The following ZSWIM6 variants were observed in gnomAD, a reference collection of about 807,000 sequenced individuals.
ZSWIM6 encodes zinc finger SWIM-type containing 6.
ZSWIM6 carries 9 observed loss-of-function variants against 113.2 expected under a neutral mutation model. The ratio of observed to expected loss-of-function variants is 0.08; its 90% CI spans 0.05 to 0.14. The LOEUF is 0.14. Among genes scored for constraint, ZSWIM6 ranks in the 10% least tolerant of loss-of-function variants. The pLI, the probability that ZSWIM6 is intolerant of heterozygous loss-of-function variation, is 1.00. For missense variants in ZSWIM6, 1,162 were observed against 1,552.2 expected (o/e 0.75, Z 4.22); for synonymous variants, 611 against 606.5 (o/e 1.01, Z -0.11).
At chr5:61,507,910 A>G (rs542644549) in intron 4 of ZSWIM6, among the ~76,000 whole-genome samples, 6 of 152,102 alleles carry the variant, frequency 3.9e-5, no homozygotes, top group Non-Finnish European at 2.9e-5. Flanking sequence ...ATAACTATAC[A>G]TACAAATTCC....
intron 4 of ZSWIM6, among the ~76,000 whole-genome samples, chr5:61,509,989 G>A (rs1356886000): frequency 6.6e-6 from 1 of 151,848 alleles, no homozygotes; most frequent in Non-Finnish European, 1.5e-5. Context: ...ACCTTTTGAA[G>A]CTGTGTGAAT....
chr5:61,514,871 A>G (rs1301880376), intron 4 of ZSWIM6, among the ~76,000 whole-genome samples: 2 of 152,088 alleles, frequency 1.3e-5, no homozygotes, highest in East Asian at 3.9e-4. Context: ...GTATCAGGGT[A>G]ATAATGCTGG....
chr5:61,354,764 G>A (rs1374546575), intron 1 of ZSWIM6, among the ~76,000 whole-genome samples: 1 of 152,106 alleles, frequency 6.6e-6, no homozygotes, highest in Non-Finnish European at 1.5e-5. Flanking sequence ...CCTGGATTTT[G>A]AATATTAAGG....
At chr5:61,533,537 G>A (rs910413854) in intron 9 of ZSWIM6, among the ~76,000 whole-genome samples, 3 of 152,124 alleles carry the variant, frequency 2.0e-5, no homozygotes, top group Admixed American at 1.3e-4. Flanking sequence ...TAGAGTCCAG[G>A]AATTACACTA....
intron 1 of ZSWIM6, among the ~76,000 whole-genome samples, chr5:61,396,317 A>G (rs888565564): frequency 3.9e-5 from 6 of 152,068 alleles, no homozygotes; most frequent in African/African-American, 1.4e-4. Context: ...GCGGATCACA[A>G]GGTCAAGAGA....
intron 7 of ZSWIM6, 109 bp from the exon 8 acceptor site, chr5:61,529,943 C>G (rs1415096853): frequency 1.0e-6 from 1 of 952,806 alleles, no homozygotes; most frequent in African/African-American, 1.6e-5. Flanking sequence ...GAATTCAGAA[C>G]TGGTTTATCA....
chr5:61,475,055 A>G (rs963491343), intron 2 of ZSWIM6, among the ~76,000 whole-genome samples: 2 of 152,172 alleles, frequency 1.3e-5, no homozygotes, highest in African/African-American at 4.8e-5. Flanking sequence ...CTGTCATATC[A>G]TCTGCCTCAA....
At chr5:61,455,145 T>C (rs1747176695) in intron 1 of ZSWIM6, among the ~76,000 whole-genome samples, 1 of 152,170 alleles carries the variant, frequency 6.6e-6, no homozygotes, top group Admixed American at 6.5e-5. Flanking sequence ...GAGAGAAAAG[T>C]AATTTATAAA....
chr5:61,512,674 A>G (rs1748821684), intron 4 of ZSWIM6, among the ~76,000 whole-genome samples: 1 of 152,120 alleles, frequency 6.6e-6, no homozygotes, highest in African/African-American at 2.4e-5. Flanking sequence ...CTATTATAAT[A>G]CGTATATAAT....
At chr5:61,396,852 C>A (rs1006147344) in intron 1 of ZSWIM6, among the ~76,000 whole-genome samples, 7 of 151,942 alleles carry the variant, frequency 4.6e-5, no homozygotes, top group Non-Finnish European at 4.4e-5. Context: ...ATGAATTATC[C>A]GTCTAATGTC....
chr5:61,463,843 G>A, intron 1 of ZSWIM6, among the ~76,000 whole-genome samples: 1 of 152,158 alleles, frequency 6.6e-6, no homozygotes, highest in East Asian at 1.9e-4. Flanking sequence ...TCTTTCATTT[G>A]ATGTACTTTC....
intron 1 of ZSWIM6, among the ~76,000 whole-genome samples, chr5:61,338,102 C>T (rs996286885): frequency 6.6e-6 from 1 of 151,220 alleles, no homozygotes; most frequent in East Asian, 1.9e-4. Context: ...CAGCATTCCA[C>T]ATAACATTCT....
Position 61,332,659 on chromosome 5 carries a change from C to T in ZSWIM6, c.387C>T (p.Thr129=). The change falls in exon 1 of 14, where the codon ACC becomes ACT. Residue 129 remains threonine (T), a synonymous_variant. Coordinates refer to ENST00000252744, the MANE Select transcript of ZSWIM6 (RefSeq NM_020928.2). ...REICMYSSFN[T]GGGAAGGPGD... ...TCTGCATGTACTCGTCCTTCAACAC[C>T]GGCGGCGGCGCCGCGGGCGGCCCCG... 8.9e-7 allele frequency: 1 copy of T among 1,124,678 alleles called. No individual in the cohort carries two copies. The highest frequency in any genetic ancestry group is 1.1e-6 in the Non-Finnish European group (1 of 894,318). The allele number at this position is 1,124,678 out of a possible 1,614,324, so 69.7% of individuals were successfully genotyped here.
rs201412001 is a variant in ZSWIM6, at chr5:61,393,141, G to T, written c.676+60193G>T. Among the ~76,000 whole-genome samples the T allele has an allele frequency of 3.2e-4, 48 of 152,062 alleles. No homozygotes were observed. In the East Asian group the frequency reaches 8.6e-3, roughly 27 times the overall value. On this transcript the variant is annotated intron_variant, in intron 1 of 13. Coordinates refer to ENST00000252744, the MANE Select transcript of ZSWIM6 (RefSeq NM_020928.2). Reference sequence around the variant, plus strand: ...TGCAACCTCCGCCTCCCAGGTTGAAGCGATTCTCCTGCCTCAGCCCTCCCG... The same window carrying T: ...TGCAACCTCCGCCTCCCAGGTTGAATCGATTCTCCTGCCTCAGCCCTCCCG...
chr5:61,468,422 A>C, intron 1 of ZSWIM6, among the ~76,000 whole-genome samples: 1 of 152,358 alleles, frequency 6.6e-6, no homozygotes. Context: ...TAAATATTTT[A>C]AGAAAAGGTT....
chr5:61,477,611 C>T (rs1197563656), intron 2 of ZSWIM6, among the ~76,000 whole-genome samples: 1 of 152,202 alleles, frequency 6.6e-6, no homozygotes, highest in Admixed American at 6.5e-5. Context: ...GCCTGTCCTG[C>T]TTAACCTTGC....
rs560907697 is a variant in ZSWIM6 at position 61,373,310 on chromosome 5, CT to C, written c.676+40369del. ...TAGAATGTGTCAGTCACCACTGGGT[CT>C]TTTTTTGGAGGGGGAATATTAGAAC... On this transcript the variant is annotated intron_variant, in intron 1 of 13. Transcript: ENST00000252744. Among the ~76,000 whole-genome samples the C allele has an allele frequency of 1.2e-3, 163 of 140,158 alleles. 4 individuals carry two copies. The Middle Eastern group carries it at 0.031, about 27-fold the overall frequency. 91.9% of individuals were successfully genotyped at this position (140,158 alleles called of 152,430 possible). A position where few individuals can be genotyped will look rare whatever the true frequency, so the allele number is the denominator to read the frequency against.
intron 1 of ZSWIM6, among the ~76,000 whole-genome samples, chr5:61,393,326 G>A (rs1303336794): frequency 2.0e-5 from 3 of 152,018 alleles, no homozygotes; most frequent in Non-Finnish European, 4.4e-5. Flanking sequence ...GACCACAGGC[G>A]TGAGCCACTG....
At chr5:61,411,939 T>C (rs1013766920) in intron 1 of ZSWIM6, among the ~76,000 whole-genome samples, 2 of 152,204 alleles carry the variant, frequency 1.3e-5, no homozygotes, top group African/African-American at 4.8e-5. Flanking sequence ...CATTCATATA[T>C]TGAGATTTTA....
Sources: gnomAD v4.1 joint callset for allele counts (sites outside exome capture counted in the v4.1 genomes callset) on GRCh38, gnomAD v4.1.1 for gene constraint, MANE v1.5 for transcripts, NCBI Gene and HGNC (gene_info 2026-07-23, HGNC 2026-07-21) for gene names.